The following TSC1 variants were observed in gnomAD, a reference collection of about 807,000 sequenced individuals.
The protein encoded by TSC1 is hamartin.
TSC1 carries 20 observed loss-of-function variants against 124.3 expected under a neutral mutation model. The ratio of observed to expected loss-of-function variants is 0.16; its 90% CI spans 0.11 to 0.23. The LOEUF is 0.23. Among genes scored for constraint, TSC1 ranks in the 10% least tolerant of loss-of-function variants. The pLI is 1.00. For synonymous variants in TSC1, 493 were observed against 539.1 expected (o/e 0.91, Z 1.19); for missense variants, 1,124 against 1,448.5 (o/e 0.78, Z 3.64).
chr9:132,923,055 C>T lies in TSC1; in HGVS notation c.508+293G>A, dbSNP rs527771731. Reference sequence around the variant, plus strand: ...TAGTCCTGTACTGCTGCAATACAGACGGAGGCTGTTTTTCAGTTTATCAAC... The same window carrying T: ...TAGTCCTGTACTGCTGCAATACAGATGGAGGCTGTTTTTCAGTTTATCAAC... On this transcript the variant is annotated intron_variant, in intron 6 of 22. Transcript: ENST00000298552. This position sits in a 1 kb window ranked among gnomAD's most constrained non-coding sequence, Gnocchi z 4.2. Among the ~76,000 whole-genome samples, 89 of 152,290 alleles carry T rather than the reference C, an allele frequency of 5.8e-4. No individual in the cohort carries two copies. Among genetic ancestry groups the T allele is most frequent in the African/African-American group, 1.9e-3 (80 of 41,548 alleles).
Position 132,921,588 on chromosome 9 carries a change from C to A in TSC1, c.664-152G>T. 9.3e-7 allele frequency: 1 copy of A among 1,074,130 alleles called. No homozygotes were observed. The highest frequency in any genetic ancestry group is 1.4e-6 in the Non-Finnish European group (1 of 714,636). 66.5% of individuals were successfully genotyped at this position (1,074,130 alleles called of 1,614,324 possible). A position where few individuals can be genotyped will look rare whatever the true frequency, so the allele number is the denominator to read the frequency against. On this transcript the variant is annotated intron_variant, in intron 7 of 22. Transcript: ENST00000298552. The surrounding 1 kb of genome is among the most constrained non-coding windows in gnomAD (Gnocchi z 4.3). ...AGAACATTATACTGAGTGAAAGAAG[C>A]CAGTCACAAAAGACCACATATTATA...
rs73552806 is a variant in TSC1, at chr9:132,893,774, C to T, written c.*2461G>A. 666 of 233,290 alleles carry T rather than the reference C, an allele frequency of 2.9e-3. 6 individuals are homozygous for T. The highest frequency in any genetic ancestry group is 0.012 in the African/African-American group (541 of 45,470). 14.5% of individuals were successfully genotyped at this position (233,290 alleles called of 1,614,324 possible). A position where few individuals can be genotyped will look rare whatever the true frequency, so the allele number is the denominator to read the frequency against. ...GTTTCAAGGTAGACTCTGCCCTTAACGCTTATTGTACTAATACCTTTGCCC... is the reference window on the plus strand; with the variant it reads ...GTTTCAAGGTAGACTCTGCCCTTAATGCTTATTGTACTAATACCTTTGCCC... On this transcript the variant is annotated 3_prime_UTR_variant, in exon 23 of 23. Coordinates refer to ENST00000298552, the MANE Select transcript of TSC1 (RefSeq NM_000368.5).
At chr9:132,918,062 T>C (rs1846356135) in intron 8 of TSC1, among the ~76,000 whole-genome samples, 1 of 152,226 alleles carries the variant, frequency 6.6e-6, no homozygotes, top group African/African-American at 2.4e-5. Context: ...CTGAGGAGCC[T>C]TCCAAGTTAA....
In TSC1 at chr9:132,896,376, C is replaced by T. The variant is rs1404592927; in HGVS notation, c.3354G>A (p.Lys1118=). The change falls in exon 23 of 23, where the codon AAG becomes AAA. Residue 1118 remains lysine, a synonymous_variant. Transcript: ENST00000298552. The surrounding 1 kb of genome is among the most constrained non-coding windows in gnomAD (Gnocchi z 4.5). The stretch of plus-strand genomic sequence containing the variant: ...CACCCAAGTCTTTGCCCAGTTCTGT[C>T]TTTAGGCTCTCAGAAAGGCTACTGG... ...GMTSSLSESL[K]TELGKDLGVE... is the part of the protein sequence containing the mutation. 3.1e-6 allele frequency: 5 copies of T among 1,614,232 alleles called. No homozygotes were observed. The South Asian group carries it at 5.5e-5, about 18-fold the overall frequency.
intron 2 of TSC1, chr9:132,934,570 G>A (rs1248903647): frequency 6.5e-6 from 1 of 152,806 alleles, no homozygotes; most frequent in Non-Finnish European, 1.5e-5. Flanking sequence ...CATCACATTT[G>A]GTTTGTTTTT....
At position 132,923,616 on chromosome 9, in the gene TSC1, T is replaced by C; in HGVS notation, c.364-124A>G. On this transcript the variant is annotated intron_variant, in intron 5 of 22. Coordinates refer to ENST00000298552, the MANE Select transcript of TSC1 (RefSeq NM_000368.5). The surrounding 1 kb of genome is among the most constrained non-coding windows in gnomAD (Gnocchi z 4.2). ...ACAAATCACAAGTTGACTCACGTAC[T>C]CATTTCCCTATCCCTAAGGATTACT... 2.3e-5 allele frequency: 31 copies of C among 1,340,416 alleles called. No individual in the cohort carries two copies. The highest frequency in any genetic ancestry group is 3.2e-5 in the Non-Finnish European group (30 of 947,656). The allele number at this position is 1,340,416 out of a possible 1,614,324, so 83.0% of individuals were successfully genotyped here.
chr9:132,923,729 A>C lies in TSC1; in HGVS notation c.364-237T>G. 1 of 536,740 alleles carries C rather than the reference A, an allele frequency of 1.9e-6. No homozygotes were observed. Among genetic ancestry groups the C allele is most frequent in the Non-Finnish European group, 3.3e-6 (1 of 302,522 alleles). 33.2% of individuals were successfully genotyped at this position (536,740 alleles called of 1,614,324 possible). The stretch of plus-strand genomic sequence containing the variant: ...AGTGAGGACCATTTACAACACACCT[A>C]TGCAAAGGCATCCGGGAGACGAGTT... On this transcript the variant is annotated intron_variant, in intron 5 of 22. Transcript: ENST00000298552. This position sits in a 1 kb window ranked among gnomAD's most constrained non-coding sequence, Gnocchi z 4.2.
chr9:132,892,324 A>G lies in TSC1; in HGVS notation c.*3911T>C. ...GGATCTTTGCAGCAATCTGGGGGGC[A>G]TGTGTCACAGAACTCTGGATGTAAA... On this transcript the variant is annotated 3_prime_UTR_variant, in exon 23 of 23. Transcript: ENST00000298552. 4.3e-6 allele frequency: 1 copy of G among 233,406 alleles called. No individual in the cohort carries two copies. The highest frequency in any genetic ancestry group is 8.5e-6 in the Non-Finnish European group (1 of 118,094). 14.5% of individuals were successfully genotyped at this position (233,406 alleles called of 1,614,324 possible).
chr9:132,928,458 C>G (rs949511411), intron 3 of TSC1, among the ~76,000 whole-genome samples: 1 of 152,146 alleles, frequency 6.6e-6, no homozygotes, highest in African/African-American at 2.4e-5. Context: ...ATATTAAAAA[C>G]CACATATATG....
At position 132,892,080 on chromosome 9, in the gene TSC1, T is replaced by C. The variant is rs993591266; in HGVS notation, c.*4155A>G. Reference sequence around the variant, plus strand: ...TCGGCTCTTCCAGGCAGGCTTCCCTTGTAGCTACAGCTACTCTTCCCTCAG... The same window carrying C: ...TCGGCTCTTCCAGGCAGGCTTCCCTCGTAGCTACAGCTACTCTTCCCTCAG... On this transcript the variant is annotated 3_prime_UTR_variant, in exon 23 of 23. Coordinates refer to ENST00000298552, the MANE Select transcript of TSC1 (RefSeq NM_000368.5). The C allele has an allele frequency of 3.4e-5, 8 of 233,048 alleles. No individual in the cohort carries two copies. The highest frequency in any genetic ancestry group is 1.8e-4 in the African/African-American group (8 of 45,346). The allele number at this position is 233,048 out of a possible 1,614,324, so 14.4% of individuals were successfully genotyped here.
chr9:132,925,854 G>C (rs1039076064), intron 4 of TSC1, 115 bp from the exon 5 acceptor site: 11 of 1,346,658 alleles, frequency 8.2e-6, no homozygotes, highest in Admixed American at 1.9e-5. Context: ...GTAAAGCAAG[G>C]GTCATGCAGA....
At chr9:132,926,429 A>G (rs138659282) in intron 4 of TSC1, 141 of 155,326 alleles carry the variant, frequency 9.1e-4, no homozygotes, top group Non-Finnish European at 1.5e-3. Flanking sequence ...AAGACTTACC[A>G]AAGTCTGCAA....
At chr9:132,912,997 T>C (rs1355298023) in intron 8 of TSC1, 1 of 158,006 alleles carries the variant, frequency 6.3e-6, no homozygotes, top group Non-Finnish European at 1.4e-5. Flanking sequence ...TGGAGGACAG[T>C]GGCATGATCG....
At chr9:132,936,781 C>G (rs1847474725) in intron 1 of TSC1, among the ~76,000 whole-genome samples, 1 of 152,178 alleles carries the variant, frequency 6.6e-6, no homozygotes, top group South Asian at 2.1e-4. Context: ...TAATCAGCTT[C>G]TTTGGCAGCC....
intron 8 of TSC1, among the ~76,000 whole-genome samples, chr9:132,914,687 T>C (rs1417213339): frequency 2.3e-5 from 3 of 129,764 alleles, no homozygotes; most frequent in Admixed American, 1.6e-4. Context: ...CAAAACCCCA[T>C]CTTAAAAAAA....
At chr9:132,941,852 C>A (rs1370195664) in intron 1 of TSC1, 2 of 152,168 alleles carry the variant, frequency 1.3e-5, no homozygotes, top group African/African-American at 4.8e-5. Flanking sequence ...CTTTAAATCA[C>A]AGAAATGTAG....
chr9:132,912,749 T>C (rs1846039179), intron 8 of TSC1: 4 of 415,860 alleles, frequency 9.6e-6, no homozygotes, highest in South Asian at 6.6e-5. Flanking sequence ...ACATAAGCTA[T>C]GCAGCAGAGC....
chr9:132,908,433 T>C (rs1845777684), intron 12 of TSC1, among the ~76,000 whole-genome samples: 1 of 152,266 alleles, frequency 6.6e-6, no homozygotes, highest in African/African-American at 2.4e-5. Flanking sequence ...AGATATGTAA[T>C]TGCAAAAGTA....
At chr9:132,942,100 G>A (rs1406696454) in intron 1 of TSC1, 1 of 152,160 alleles carries the variant, frequency 6.6e-6, no homozygotes, top group East Asian at 1.9e-4. Context: ...CATACCTGTA[G>A]CCAAACAAAC....
Sources: gnomAD v4.1 joint callset for allele counts (sites outside exome capture counted in the v4.1 genomes callset) on GRCh38, gnomAD v4.1.1 for gene constraint, Gnocchi (gnomAD v3.1) non-coding constraint, MANE v1.5 for transcripts, NCBI Gene and HGNC (gene_info 2026-07-23, HGNC 2026-07-21) for gene names.